Variants in CDKAL1 observed in about 807,000 individuals in gnomAD.
CDKAL1 encodes CDKAL1 threonylcarbamoyladenosine tRNA methylthiotransferase.
In CDKAL1, 32 loss-of-function variants were observed where a neutral mutation model predicts 68.2. The ratio of observed to expected loss-of-function variants is 0.47; its 90% CI spans 0.35 to 0.63. CDKAL1 has a LOEUF of 0.63. Among genes scored for constraint, CDKAL1 ranks in the 30% least tolerant of loss-of-function variants. CDKAL1 has a pLI of 0.00. For synonymous variants in CDKAL1, 234 were observed against 244.3 expected (o/e 0.96, Z 0.39); for missense variants, 606 against 696.7 (o/e 0.87, Z 1.47).
intron 9 of CDKAL1, among the ~76,000 whole-genome samples, chr6:20,858,547 A>G (rs1195777859): frequency 6.6e-6 from 1 of 152,160 alleles, no homozygotes; most frequent in African/African-American, 2.4e-5. Context: ...ATATAGTAAT[A>G]TATAAATTTG....
At chr6:20,736,356 G>C (rs970302218) in intron 5 of CDKAL1, among the ~76,000 whole-genome samples, 75 of 152,236 alleles carry the variant, frequency 4.9e-4, no homozygotes, top group African/African-American at 1.7e-3. Flanking sequence ...TTATAGAAAA[G>C]TTTGCTGACC....
At chr6:21,027,200 C>T (rs1016643561) in intron 11 of CDKAL1, among the ~76,000 whole-genome samples, 7 of 152,122 alleles carry the variant, frequency 4.6e-5, no homozygotes, top group African/African-American at 1.7e-4. Context: ...CTTTGCTGTT[C>T]ATCAGTCTAT....
At chr6:20,563,175 T>G (rs1226863686) in intron 4 of CDKAL1, among the ~76,000 whole-genome samples, 1 of 152,216 alleles carries the variant, frequency 6.6e-6, no homozygotes, top group Non-Finnish European at 1.5e-5. Context: ...AAATTCTTAG[T>G]AACAAGTGAA....
At chr6:21,081,879 A>G (rs1431527480) in intron 12 of CDKAL1, among the ~76,000 whole-genome samples, 1 of 152,090 alleles carries the variant, frequency 6.6e-6, no homozygotes, top group Non-Finnish European at 1.5e-5. Flanking sequence ...TGCCCAGCCA[A>G]TATACCTTAT....
At chr6:21,104,360 ATAGT>A (rs1272880243) in intron 12 of CDKAL1, among the ~76,000 whole-genome samples, 6 of 152,156 alleles carry the variant, frequency 3.9e-5, no homozygotes, top group African/African-American at 1.4e-4. Context: ...ATTTTGCAGG[ATAGT>A]TAGTTGTTCA....
intron 9 of CDKAL1, among the ~76,000 whole-genome samples, chr6:20,942,548 G>T (rs1764030604): frequency 6.6e-6 from 1 of 150,396 alleles, no homozygotes; most frequent in African/African-American, 2.4e-5. Context: ...TGTATTTTTA[G>T]TAGAGATGGG....
chr6:21,218,566 A>G (rs1213034771), intron 15 of CDKAL1, among the ~76,000 whole-genome samples: 3 of 152,170 alleles, frequency 2.0e-5, no homozygotes, highest in African/African-American at 7.2e-5. Context: ...GCTCACTTTT[A>G]TGGTGATGGC....
intron 4 of CDKAL1, among the ~76,000 whole-genome samples, chr6:20,609,390 TTCTTCTTCTTC>T (rs1239914944): frequency 1.3e-4 from 14 of 110,624 alleles, no homozygotes; most frequent in African/African-American, 3.9e-4. Context: ...CTTCTTCTTC[TTCTTCTTCTTC>T]TTTTTTTTTT....
At chr6:21,099,206 C>A (rs534035621) in intron 12 of CDKAL1, among the ~76,000 whole-genome samples, 3 of 152,074 alleles carry the variant, frequency 2.0e-5, no homozygotes, top group Non-Finnish European at 4.4e-5. Context: ...CGGTTTAGAG[C>A]AAGGGTTAGT....
At chr6:21,073,126 A>G (rs767860691) in intron 12 of CDKAL1, among the ~76,000 whole-genome samples, 4 of 152,176 alleles carry the variant, frequency 2.6e-5, no homozygotes, top group Non-Finnish European at 5.9e-5. Flanking sequence ...TATACATTTA[A>G]GATTCCTTTG....
intron 8 of CDKAL1, among the ~76,000 whole-genome samples, chr6:20,836,872 G>A (rs773047589): frequency 1.3e-5 from 2 of 152,064 alleles, no homozygotes; most frequent in Non-Finnish European, 2.9e-5. Flanking sequence ...GGTCCGCGTG[G>A]GAAAGGTTTC....
rs145939635 is a variant in CDKAL1 at position 20,655,670 on chromosome 6, AC to A, written c.371+6294del. Among the ~76,000 whole-genome samples the A allele has an allele frequency of 2.2e-3, 328 of 152,224 alleles. 2 individuals are homozygous for A. Among genetic ancestry groups the A allele is most frequent in the African/African-American group, 7.6e-3 (314 of 41,544 alleles). ...CTAATGCTTGGTGACCTGAGGTGGA[AC>A]AGTTTCACCCCAACACCACACCTCC... is the stretch of plus-strand genomic sequence containing the variant. On this transcript the variant is annotated intron_variant, in intron 5 of 15. Coordinates refer to ENST00000274695, the MANE Select transcript of CDKAL1 (RefSeq NM_017774.3).
intron 13 of CDKAL1, among the ~76,000 whole-genome samples, chr6:21,128,081 C>G (rs1054378007): frequency 5.2e-4 from 79 of 152,324 alleles, no homozygotes; most frequent in African/African-American, 1.8e-3. Context: ...GTCCGACTTA[C>G]AAGTTTTCTT....
chr6:20,614,092 C>A (rs550070401), intron 4 of CDKAL1, among the ~76,000 whole-genome samples: 2 of 152,114 alleles, frequency 1.3e-5, no homozygotes, highest in South Asian at 2.1e-4. Context: ...TGTGACCTGT[C>A]TGTATCCCTT....
intron 5 of CDKAL1, among the ~76,000 whole-genome samples, chr6:20,707,522 A>G (rs1224427988): frequency 6.6e-6 from 1 of 152,236 alleles, no homozygotes; most frequent in African/African-American, 2.4e-5. Flanking sequence ...TAGCTACCAT[A>G]TAGCACCTGT....
intron 11 of CDKAL1, among the ~76,000 whole-genome samples, chr6:21,029,911 G>A (rs1769176059): frequency 6.6e-6 from 1 of 152,170 alleles, no homozygotes; most frequent in South Asian, 2.1e-4. Flanking sequence ...CATTGTGGAA[G>A]ACAATGTGAC....
intron 4 of CDKAL1, among the ~76,000 whole-genome samples, chr6:20,576,322 A>G (rs1013902308): frequency 1.7e-4 from 26 of 152,200 alleles, no homozygotes; most frequent in Admixed American, 6.5e-5. Flanking sequence ...AGTGACACCT[A>G]TCTTTTAAAC....
At chr6:20,592,263 G>A (rs1765623039) in intron 4 of CDKAL1, among the ~76,000 whole-genome samples, 1 of 151,886 alleles carries the variant, frequency 6.6e-6, no homozygotes, top group Non-Finnish European at 1.5e-5. Flanking sequence ...AGATTAAGAA[G>A]TTTTTGGGTT....
At chr6:20,568,753 A>AAAAAAAAAAAAAAAAAAAAAC (rs1561931956) in intron 4 of CDKAL1, among the ~76,000 whole-genome samples, 1 of 127,508 alleles carries the variant, frequency 7.8e-6, no homozygotes, top group Non-Finnish European at 1.6e-5. Flanking sequence ...AAAAAAAACA[A>AAAAAAAAAAAAAAAAAAAAAC]AAAAACAAAA....
Sources: gnomAD v4.1 joint callset for allele counts (sites outside exome capture counted in the v4.1 genomes callset) on GRCh38, gnomAD v4.1.1 for gene constraint, MANE v1.5 for transcripts, NCBI Gene and HGNC (gene_info 2026-07-23, HGNC 2026-07-21) for gene names.